The following MED12L variants were observed in gnomAD, a reference collection of about 807,000 sequenced individuals.
The protein encoded by MED12L is mediator of RNA polymerase II transcription subunit 12-like protein.
A neutral mutation model predicts 281.3 loss-of-function variants in MED12L; 60 were observed. That is an observed-to-expected ratio of 0.21 (90% CI 0.17 to 0.26). The LOEUF is 0.26. Ranked by LOEUF, MED12L falls within the 10% of genes least tolerant of loss-of-function variation. MED12L has a pLI of 1.00. For missense variants in MED12L, 2,146 were observed against 2,680.9 expected, an observed-to-expected ratio of 0.80 and a Z score of 4.41; for synonymous variants, 974 against 987.2, an observed-to-expected ratio of 0.99 and a Z score of 0.25.
rs1713649098 is a variant in MED12L at position 151,387,825 on chromosome 3, A to G, written c.5104A>G (p.Thr1702Ala). ...IDKKQGLQVS[T>A]KQKVSPWDLF... The stretch of plus-strand genomic sequence containing the variant: ...TTTCCCACAGGGTCTCCAGGTCTCT[A>G]CGAAGCAGAAGGTGTCCCCGTGGGA... The change falls in exon 37 of 45, where the codon ACG becomes GCG. Residue 1702 changes from threonine to alanine, a missense_variant. By Grantham distance (58) the Thr-to-Ala change is moderately conservative. Transcript: ENST00000687756. The G allele has an allele frequency of 6.2e-7, 1 of 1,613,050 alleles. No homozygotes were observed. Among genetic ancestry groups the G allele is most frequent in the South Asian group, 1.1e-5 (1 of 91,008 alleles).
At chr3:151,180,606 G>A (rs529681595) in intron 11 of MED12L, among the ~76,000 whole-genome samples, 23 of 152,288 alleles carry the variant, frequency 1.5e-4, no homozygotes, top group African/African-American at 4.8e-4. Context: ...AAACCCCAGT[G>A]GTGACATCTG....
chr3:151,090,824 G>A (rs1576703249), intron 2 of MED12L, among the ~76,000 whole-genome samples: 1 of 152,190 alleles, frequency 6.6e-6, no homozygotes, highest in East Asian at 1.9e-4. Flanking sequence ...TGGATCACCT[G>A]AGGTCAGGAG....
chr3:151,253,660 G>T (rs1410893573), intron 16 of MED12L, among the ~76,000 whole-genome samples: 1 of 152,046 alleles, frequency 6.6e-6, no homozygotes, highest in Non-Finnish European at 1.5e-5. Flanking sequence ...TTTTTGTGAG[G>T]GGGTGGGTGG....
intron 13 of MED12L, among the ~76,000 whole-genome samples, chr3:151,189,262 G>A (rs1348480688): frequency 6.6e-6 from 1 of 152,200 alleles, no homozygotes; most frequent in Non-Finnish European, 1.5e-5. Context: ...ACCTGCAGGT[G>A]AGGTTCTTTG....
chr3:151,416,919 A>T (rs1386684273), intron 43 of MED12L, among the ~76,000 whole-genome samples: 1 of 152,210 alleles, frequency 6.6e-6, no homozygotes, highest in African/African-American at 2.4e-5. Flanking sequence ...TAGCTTCATA[A>T]ATCAAATTTG....
chr3:151,352,010 A>AGGGTTTT (rs1202328652), intron 17 of MED12L, among the ~76,000 whole-genome samples: 2 of 152,244 alleles, frequency 1.3e-5, no homozygotes, highest in Admixed American at 6.5e-5. Flanking sequence ...TGGGACCAGA[A>AGGGTTTT]GGGTTTTGGA....
At chr3:151,126,136 C>T (rs1714485461) in intron 4 of MED12L, among the ~76,000 whole-genome samples, 1 of 151,444 alleles carries the variant, frequency 6.6e-6, no homozygotes, top group Admixed American at 6.6e-5. Flanking sequence ...GCAACCTCCA[C>T]CTCCCAGGCT....
rs373856006 is a variant in MED12L, at chr3:151,090,203, C to T, written c.99+3178C>T. On this transcript the variant is annotated intron_variant, in intron 2 of 44. Coordinates refer to ENST00000687756, the MANE Select transcript of MED12L (RefSeq NM_001393769.1). ...GTCCTGTTTATGTGCCCCTTATTCTCCCTATACTTCATTTTCCTTCCATAT... is the reference window on the plus strand; with the variant it reads ...GTCCTGTTTATGTGCCCCTTATTCTTCCTATACTTCATTTTCCTTCCATAT... Among the ~76,000 whole-genome samples, 22 of 152,190 alleles carry T rather than the reference C, an allele frequency of 1.4e-4. 1 individual carries two copies. The East Asian group carries it at 3.9e-3, about 27-fold the overall frequency.
chr3:151,338,266 A>G, intron 16 of MED12L: 1 of 1,614,014 alleles, frequency 6.2e-7, no homozygotes, highest in Non-Finnish European at 8.5e-7. Flanking sequence ...ATGACTTGAC[A>G]GATGTAATTT....
At position 151,086,886 on chromosome 3, in the gene MED12L, G is replaced by C; in HGVS notation, c.-41G>C. The C allele has an allele frequency of 1.3e-6, 2 of 1,513,870 alleles. No homozygotes were observed. The highest frequency in any genetic ancestry group is 1.8e-6 in the Non-Finnish European group (2 of 1,117,350). 93.8% of individuals were successfully genotyped at this position (1,513,870 alleles called of 1,614,324 possible). ...CTGGTGCTCAGAGGCGGCTGCTCCA[G>C]CTCCAACTCTCATTCATTTCGCCGG... On this transcript the variant is annotated 5_prime_UTR_variant, in exon 2 of 45. Coordinates refer to ENST00000687756, the MANE Select transcript of MED12L (RefSeq NM_001393769.1).
At chr3:151,087,057 G>A (rs1474327746) in intron 2 of MED12L, 32 bp downstream of exon 2, 2 of 1,559,184 alleles carry the variant, frequency 1.3e-6, no homozygotes, top group East Asian at 2.3e-5. Context: ...CCGGCAACCG[G>A]GGCCGCGCTC....
chr3:151,329,688 C>G, intron 16 of MED12L: 3 of 489,122 alleles, frequency 6.1e-6, no homozygotes. Context: ...AACTTTCATA[C>G]TGTTAATCTG....
intron 16 of MED12L, among the ~76,000 whole-genome samples, chr3:151,284,442 C>G (rs188451568): frequency 1.8e-4 from 28 of 152,152 alleles, no homozygotes; most frequent in Admixed American, 1.4e-3. Flanking sequence ...CCTTGGTGGC[C>G]TGACTAGAAT....
chr3:151,426,173 C>T (rs1251875637), intron 43 of MED12L, among the ~76,000 whole-genome samples: 1 of 152,178 alleles, frequency 6.6e-6, no homozygotes, highest in Non-Finnish European at 1.5e-5. Context: ...TCACCAGGCA[C>T]CTGAATGAAC....
chr3:151,182,072 A>G (rs10513385), intron 11 of MED12L, among the ~76,000 whole-genome samples: 11,257 of 152,184 alleles, frequency 0.074, 955 homozygotes, highest in East Asian at 0.2. Context: ...AAGACACCTA[A>G]AGGAGTGAAG....
intron 42 of MED12L, among the ~76,000 whole-genome samples, chr3:151,413,529 C>T (rs1717190791): frequency 6.6e-6 from 1 of 152,122 alleles, no homozygotes; most frequent in Admixed American, 6.5e-5. Flanking sequence ...GAACATTCTT[C>T]CCATTTCACA....
intron 11 of MED12L, among the ~76,000 whole-genome samples, chr3:151,178,037 A>C (rs191861721): frequency 1.6e-4 from 25 of 151,692 alleles, no homozygotes; most frequent in Non-Finnish European, 3.2e-4. Context: ...ACATTGTTCA[A>C]CTTCTTACTA....
In MED12L at chr3:151,273,117, A is replaced by T. The variant is rs532220972; in HGVS notation, c.2251-76942A>T. On this transcript the variant is annotated intron_variant, in intron 16 of 44. Coordinates refer to ENST00000687756, the MANE Select transcript of MED12L (RefSeq NM_001393769.1). Reference sequence around the variant, plus strand: ...AAGCAGTATGATCAAGGAATATTCAACCTCTGTATCTCTTTGGCTTCCATT... The same window carrying T: ...AAGCAGTATGATCAAGGAATATTCATCCTCTGTATCTCTTTGGCTTCCATT... Among the ~76,000 whole-genome samples, 3 of 152,082 alleles carry T rather than the reference A, an allele frequency of 2.0e-5. No homozygotes were observed. In the South Asian group the frequency reaches 6.2e-4, roughly 32 times the overall value.
chr3:151,432,940 A>C lies in MED12L; in HGVS notation c.*136A>C. 6 of 517,670 alleles carry C rather than the reference A, an allele frequency of 1.2e-5. No individual in the cohort carries two copies. Among genetic ancestry groups the C allele is most frequent in the Non-Finnish European group, 1.5e-5 (5 of 330,668 alleles). The allele number at this position is 517,670 out of a possible 1,614,324, so 32.1% of individuals were successfully genotyped here. ...TTTACTATATTTTATGCTACATCTC[A>C]CAAAAAAAAAAAAAGGTGTTTAAAC... On this transcript the variant is annotated 3_prime_UTR_variant, in exon 45 of 45. Coordinates refer to ENST00000687756, the MANE Select transcript of MED12L (RefSeq NM_001393769.1).
Sources: allele counts gnomAD v4.1 joint callset (sites outside exome capture counted in the v4.1 genomes callset), GRCh38; gene constraint gnomAD v4.1.1; transcripts MANE v1.5; gene names NCBI Gene and HGNC (gene_info 2026-07-23, HGNC 2026-07-21).